FAT3: variants seen among roughly 807,000 people sequenced by gnomAD.
FAT3 encodes the protein protocadherin Fat 3.
FAT3 carries 95 observed loss-of-function variants against 310.2 expected under a neutral mutation model. That is an observed-to-expected ratio of 0.31 (90% CI 0.26 to 0.36). The LOEUF (loss-of-function observed/expected upper bound fraction) is 0.36, where lower values mean the gene tolerates loss of function less well. FAT3 is among the 10% of genes least tolerant of loss of function. FAT3 has a pLI of 1.00. For missense variants in FAT3, 5,408 were observed against 5,715.6 expected (o/e 0.95, Z 1.74); for synonymous variants, 2,314 against 2,192.9 (o/e 1.06, Z -1.54).
intron 1 of FAT3, among the ~76,000 whole-genome samples, chr11:92,252,149 A>T (rs548104991): frequency 6.6e-6 from 1 of 152,284 alleles, no homozygotes; most frequent in African/African-American, 2.4e-5. Flanking sequence ...GCTGCTTGGC[A>T]TGATGGAGCT....
intron 1 of FAT3, among the ~76,000 whole-genome samples, chr11:92,314,839 A>T (rs1947395314): frequency 6.6e-6 from 1 of 152,086 alleles, no homozygotes; most frequent in Admixed American, 6.5e-5. Flanking sequence ...CCTTCACTAG[A>T]ACTTTTCCTT....
chr11:92,339,107 AGTT>A (rs975100544), intron 1 of FAT3, among the ~76,000 whole-genome samples: 1 of 152,186 alleles, frequency 6.6e-6, no homozygotes, highest in African/African-American at 2.4e-5. Context: ...TTCCCAATAT[AGTT>A]GAATTAGTTC....
chr11:92,744,155 CAT>C (rs1451147336), intron 4 of FAT3, among the ~76,000 whole-genome samples: 1 of 152,134 alleles, frequency 6.6e-6, no homozygotes, highest in African/African-American at 2.4e-5. Flanking sequence ...TAAGATGACT[CAT>C]ATTTCTGTTC....
At chr11:92,625,238 G>T (rs1372303254) in intron 3 of FAT3, among the ~76,000 whole-genome samples, 1 of 152,118 alleles carries the variant, frequency 6.6e-6, no homozygotes, top group African/African-American at 2.4e-5. Flanking sequence ...ATAACTGCTT[G>T]CTTTTGTGAC....
At position 92,844,702 on chromosome 11, in the gene FAT3, T is replaced by G. The variant is rs372361067; in HGVS notation, c.11335T>G (p.Phe3779Val). 6.4e-6 allele frequency: 10 copies of G among 1,569,910 alleles called. No homozygotes were observed. Among genetic ancestry groups the G allele is most frequent in the Non-Finnish European group, 8.7e-6 (10 of 1,153,076 alleles). The change falls in exon 19 of 28, where the codon TTC becomes GTC. Residue 3779 changes from phenylalanine to valine, a missense_variant. Coordinates refer to ENST00000525166, the MANE Select transcript of FAT3 (RefSeq NM_001367949.2). ...TARISFVCPR[F>V]YRNVRCTCNG... The stretch of plus-strand genomic sequence containing the variant: ...TCGCATCAGCTTTGTGTGTCCGCGT[T>G]TCTACAGGAACGTGCGTTGCACCTG...
At chr11:92,235,373 C>A (rs1262495943) in intron 1 of FAT3, among the ~76,000 whole-genome samples, 1 of 152,144 alleles carries the variant, frequency 6.6e-6, no homozygotes, top group Non-Finnish European at 1.5e-5. Context: ...CTCTTCATAT[C>A]TCTGCACTCA....
chr11:92,350,645 A>G (rs1948540294), intron 1 of FAT3, among the ~76,000 whole-genome samples: 2 of 152,168 alleles, frequency 1.3e-5, no homozygotes, highest in African/African-American at 4.8e-5. Flanking sequence ...CGGCTGGGGA[A>G]CATTGTTTGG....
At chr11:92,761,365 C>A (rs1946146479) in intron 4 of FAT3, among the ~76,000 whole-genome samples, 2 of 152,166 alleles carry the variant, frequency 1.3e-5, no homozygotes, top group Admixed American at 1.3e-4. Flanking sequence ...CCTAAAGGCC[C>A]CACCTCCTAA....
chr11:92,517,409 T>C (rs1204550700), intron 2 of FAT3, among the ~76,000 whole-genome samples: 1 of 152,170 alleles, frequency 6.6e-6, no homozygotes, highest in African/African-American at 2.4e-5. Context: ...TTGGGAAAAC[T>C]GGCTAGCCAT....
At chr11:92,545,087 C>T (rs912943910) in intron 3 of FAT3, among the ~76,000 whole-genome samples, 13 of 152,176 alleles carry the variant, frequency 8.5e-5, no homozygotes, top group Non-Finnish European at 1.8e-4. Flanking sequence ...TTGCCCTCCT[C>T]ATGTCCCCAA....
intron 1 of FAT3, among the ~76,000 whole-genome samples, chr11:92,231,278 G>A (rs1864170747): frequency 6.6e-6 from 1 of 151,764 alleles, no homozygotes; most frequent in Non-Finnish European, 1.5e-5. Flanking sequence ...TGTCCTTTAG[G>A]TATTCATCAT....
chr11:92,457,885 G>C (rs1302130574), intron 2 of FAT3, among the ~76,000 whole-genome samples: 1 of 152,128 alleles, frequency 6.6e-6, no homozygotes, highest in African/African-American at 2.4e-5. Flanking sequence ...TCATGCCACT[G>C]CACTCCAGCC....
intron 3 of FAT3, among the ~76,000 whole-genome samples, chr11:92,571,562 T>A (rs139602436): frequency 2.0e-5 from 3 of 152,362 alleles, no homozygotes; most frequent in East Asian, 3.9e-4. Flanking sequence ...CAGTTTTTAC[T>A]ATGACTTAGT....
intron 2 of FAT3, among the ~76,000 whole-genome samples, chr11:92,507,986 G>C (rs1953172804): frequency 6.6e-6 from 1 of 152,032 alleles, no homozygotes; most frequent in Non-Finnish European, 1.5e-5. Context: ...TAACCTAAAA[G>C]GATGAAAGAA....
chr11:92,576,841 C>T (rs1343526898), intron 3 of FAT3, among the ~76,000 whole-genome samples: 3 of 152,076 alleles, frequency 2.0e-5, no homozygotes, highest in Non-Finnish European at 4.4e-5. Context: ...TATACTTGTA[C>T]ACTGAAGCTA....
chr11:92,357,383 T>G (rs1220079075), intron 2 of FAT3, among the ~76,000 whole-genome samples: 1 of 152,168 alleles, frequency 6.6e-6, no homozygotes, highest in Non-Finnish European at 1.5e-5. Flanking sequence ...TAAAGATAAG[T>G]TGGAATTTCC....
chr11:92,857,398 A>C (rs775041264), intron 20 of FAT3, 50 bp downstream of exon 20: 60 of 1,608,646 alleles, frequency 3.7e-5, no homozygotes, highest in Non-Finnish European at 5.1e-5. Context: ...TTCCTGAAAC[A>C]CTTGCCCTTG....
intron 2 of FAT3, among the ~76,000 whole-genome samples, chr11:92,412,771 A>ACACACACATAT (rs1591253099): frequency 7.4e-6 from 1 of 134,598 alleles, no homozygotes; most frequent in Non-Finnish European, 1.6e-5. Flanking sequence ...ATATATATTT[A>ACACACACATAT]ATGTAAGACT....
intron 3 of FAT3, among the ~76,000 whole-genome samples, chr11:92,566,097 TCC>T (rs1955430237): frequency 6.6e-6 from 1 of 152,162 alleles, no homozygotes; most frequent in South Asian, 2.1e-4. Flanking sequence ...AGTCGAATTG[TCC>T]CTGTTTGCAG....
Sources: allele counts gnomAD v4.1 joint callset (sites outside exome capture counted in the v4.1 genomes callset), GRCh38; gene constraint gnomAD v4.1.1; transcripts MANE v1.5; gene names NCBI Gene and HGNC (gene_info 2026-07-23, HGNC 2026-07-21).